RXRA: variants seen among roughly 807,000 people sequenced by gnomAD.
RXRA encodes retinoic acid receptor RXR-alpha.
Under a neutral mutation model 44.5 loss-of-function variants are expected in RXRA, and 5 were observed. The observed-to-expected ratio is 0.11, with a 90% CI of 0.06 to 0.24. The LOEUF (loss-of-function observed/expected upper bound fraction) is 0.24, where lower values mean the gene tolerates loss of function less well. Ranked by LOEUF, RXRA falls within the 10% of genes least tolerant of loss-of-function variation. The pLI, the probability that RXRA is intolerant of heterozygous loss-of-function variation, is 1.00. For missense variants in RXRA, 412 were observed against 646.5 expected (o/e 0.64, Z 3.93); for synonymous variants, 291 against 271.4 (o/e 1.07, Z -0.71).
Position 134,440,254 on chromosome 9 carries a change from C to T in RXRA, c.*3640C>T, listed in dbSNP as rs1831710314. 1 of 152,286 alleles carries T rather than the reference C, an allele frequency of 6.6e-6. No homozygotes were observed. The highest frequency in any genetic ancestry group is 1.5e-5 in the Non-Finnish European group (1 of 68,038). 9.4% of individuals were successfully genotyped at this position (152,286 alleles called of 1,614,324 possible). A position where few individuals can be genotyped will look rare whatever the true frequency, so the allele number is the denominator to read the frequency against. On this transcript the variant is annotated 3_prime_UTR_variant, in exon 10 of 10. Coordinates refer to ENST00000481739, the MANE Select transcript of RXRA (RefSeq NM_002957.6). Reference sequence around the variant, plus strand: ...CAGACGATGGCAGAGGAGAGGGCTCCTGTGACGGCGGCGAGGCTTGGGAGG... The same window carrying T: ...CAGACGATGGCAGAGGAGAGGGCTCTTGTGACGGCGGCGAGGCTTGGGAGG...
At chr9:134,356,908 C>A (rs1330542336) in intron 1 of RXRA, among the ~76,000 whole-genome samples, 1 of 152,210 alleles carries the variant, frequency 6.6e-6, no homozygotes, top group Non-Finnish European at 1.5e-5. Context: ...CCGACACCTC[C>A]GCACCCTGCC....
rs1371118090 is a variant in RXRA at position 134,417,553 on chromosome 9, AGGGGCCAGGGGCCAGGGGCCC to A, written c.780+233_780+253del. Among the ~76,000 whole-genome samples the A allele has an allele frequency of 6.7e-6, 1 of 150,120 alleles. No individual in the cohort carries two copies. Among genetic ancestry groups the A allele is most frequent in the African/African-American group, 2.5e-5 (1 of 39,632 alleles). ...CCCATGCACGAGTAGCCCATGGGGC[AGGGGCCAGGGGCCAGGGGCCC>A]GGGGCCTGGGGCCCTGCGGCCACAT... On this transcript the variant is annotated intron_variant, in intron 5 of 9. Transcript: ENST00000481739. The surrounding 1 kb of genome is among the most constrained non-coding windows in gnomAD (Gnocchi z 6.1).
chr9:134,363,444 A>G (rs1830377983), intron 1 of RXRA, among the ~76,000 whole-genome samples: 1 of 152,234 alleles, frequency 6.6e-6, no homozygotes, highest in Non-Finnish European at 1.5e-5. Context: ...TCTAAAGCCC[A>G]GCCCTCATGG....
At chr9:134,352,078 G>A (rs1384253167) in intron 1 of RXRA, among the ~76,000 whole-genome samples, 1 of 152,226 alleles carries the variant, frequency 6.6e-6, no homozygotes, top group Admixed American at 6.5e-5. Flanking sequence ...GGCTGCACAG[G>A]CTGCGGGAGT....
chr9:134,377,874 G>A (rs541983539), intron 1 of RXRA, among the ~76,000 whole-genome samples: 4 of 152,330 alleles, frequency 2.6e-5, no homozygotes, highest in South Asian at 2.1e-4. Context: ...GGGACGTTGC[G>A]TGAGCTGATG....
In RXRA at chr9:134,418,040, C is replaced by T. The variant is rs112139096; in HGVS notation, c.780+713C>T. On this transcript the variant is annotated intron_variant, in intron 5 of 9. Transcript: ENST00000481739. ...CCTTGGACCCTCCCTGTTACTGGCT[C>T]GCTCCCTGTGGCATCTTTGCTTCTG... 7.3e-3 allele frequency among the ~76,000 whole-genome samples: 1,116 copies of T among 152,280 alleles called. 8 individuals carry two copies. The highest frequency in any genetic ancestry group is 0.012 in the South Asian group (58 of 4,826).
intron 3 of RXRA, 25 bp downstream of exon 3, chr9:134,408,324 G>A: frequency 6.3e-7 from 1 of 1,583,840 alleles, no homozygotes; most frequent in South Asian, 1.1e-5. Flanking sequence ...GGGGCCAGGG[G>A]CTGGTGGGAC....
At position 134,426,311 on chromosome 9, in the gene RXRA, G is replaced by C; in HGVS notation, c.911-2797G>C. 1 of 985,466 alleles carries C rather than the reference G, an allele frequency of 1.0e-6. No individual in the cohort carries two copies. Among genetic ancestry groups the C allele is most frequent in the Non-Finnish European group, 1.2e-6 (1 of 829,932 alleles). The allele number at this position is 985,466 out of a possible 1,614,324, so 61.0% of individuals were successfully genotyped here. A position where few individuals can be genotyped will look rare whatever the true frequency, so the allele number is the denominator to read the frequency against. On this transcript the variant is annotated intron_variant, in intron 6 of 9. Transcript: ENST00000481739. The surrounding 1 kb of genome is among the most constrained non-coding windows in gnomAD (Gnocchi z 4.6). ...AGGAGCCCTCCTTCCTGCAGCGATGGAGCACTTAGGAAGGTGAAGACACCC... is the reference window on the plus strand; with the variant it reads ...AGGAGCCCTCCTTCCTGCAGCGATGCAGCACTTAGGAAGGTGAAGACACCC...
chr9:134,349,905 C>T lies in RXRA; in HGVS notation c.28+23246C>T, dbSNP rs1830200541. Among the ~76,000 whole-genome samples the T allele has an allele frequency of 6.6e-6, 1 of 152,160 alleles. No homozygotes were observed. Among genetic ancestry groups the T allele is most frequent in the South Asian group, 2.1e-4 (1 of 4,828 alleles). On this transcript the variant is annotated intron_variant, in intron 1 of 9. Coordinates refer to ENST00000481739, the MANE Select transcript of RXRA (RefSeq NM_002957.6). The surrounding 1 kb of genome is among the most constrained non-coding windows in gnomAD (Gnocchi z 4.3). ...GATCTCATCCTGCCTGTGACACCTT[C>T]CTCTCCTCCTGTTTGGGTCAGCTCC...
At position 134,434,083 on chromosome 9, in the gene RXRA, T is replaced by C. The variant is rs771200755; in HGVS notation, c.1136-19T>C. On this transcript the variant is annotated intron_variant, in intron 8 of 9. Coordinates refer to ENST00000481739, the MANE Select transcript of RXRA (RefSeq NM_002957.6). ...CACGCCCCAGCTGAGGGTTCTGACC[T>C]GTGGCTTCTTCCTTTCAGACTCCAA... 6.2e-7 allele frequency: 1 copy of C among 1,602,080 alleles called. No homozygotes were observed. Among genetic ancestry groups the C allele is most frequent in the Non-Finnish European group, 8.5e-7 (1 of 1,170,282 alleles).
chr9:134,367,500 C>T (rs1326210445), intron 1 of RXRA, among the ~76,000 whole-genome samples: 3 of 152,246 alleles, frequency 2.0e-5, no homozygotes, highest in African/African-American at 4.8e-5. Context: ...GTGGAGATCC[C>T]ACTTTACAGA....
At chr9:134,430,176 G>T (rs1831509461) in intron 7 of RXRA, among the ~76,000 whole-genome samples, 1 of 152,208 alleles carries the variant, frequency 6.6e-6, no homozygotes, top group Non-Finnish European at 1.5e-5. Context: ...GTGAGCCGCC[G>T]CGCCCGGCCT....
At chr9:134,411,857 C>T (rs983483056) in intron 4 of RXRA, among the ~76,000 whole-genome samples, 13 of 152,316 alleles carry the variant, frequency 8.5e-5, no homozygotes, top group African/African-American at 3.1e-4. Context: ...TTGCCTCCCC[C>T]AGCCTGGCTG....
At chr9:134,385,799 G>C (rs991617561) in intron 1 of RXRA, among the ~76,000 whole-genome samples, 1 of 152,266 alleles carries the variant, frequency 6.6e-6, no homozygotes, top group East Asian at 1.9e-4. Flanking sequence ...ACGCAGATGG[G>C]GAATGGGCCC....
intron 1 of RXRA, among the ~76,000 whole-genome samples, chr9:134,380,909 A>G (rs1184238894): frequency 6.6e-6 from 1 of 152,202 alleles, no homozygotes; most frequent in Non-Finnish European, 1.5e-5. Flanking sequence ...CAGTAGAGAC[A>G]GCAGAGCCCC....
chr9:134,422,597 CCGCTCCCAGGA>C (rs1831365130), intron 6 of RXRA: 1 of 883,324 alleles, frequency 1.1e-6, no homozygotes, highest in East Asian at 1.3e-4. Flanking sequence ...GGGACACTCC[CCGCTCCCAGGA>C]CGCTCCCCAC....
chr9:134,345,176 C>G (rs2119033964), intron 1 of RXRA, among the ~76,000 whole-genome samples: 1 of 152,318 alleles, frequency 6.6e-6, no homozygotes, highest in Admixed American at 6.5e-5. Context: ...TGGACGTGCC[C>G]TGGAGGTTAT....
chr9:134,440,320 G>A lies in RXRA; in HGVS notation c.*3706G>A, dbSNP rs1831712419. ...GGGTGTCTTCCCTCGGGGCAGGAGG[G>A]TGGGCCTGAGGCTTTCAAGGGTTTT... On this transcript the variant is annotated 3_prime_UTR_variant, in exon 10 of 10. Transcript: ENST00000481739. 6.6e-6 allele frequency: 1 copy of A among 152,386 alleles called. No homozygotes were observed. Among genetic ancestry groups the A allele is most frequent in the Non-Finnish European group, 1.5e-5 (1 of 68,050 alleles). The allele number at this position is 152,386 out of a possible 1,614,324, so 9.4% of individuals were successfully genotyped here.
At chr9:134,332,809 G>C (rs1220011255) in intron 1 of RXRA, among the ~76,000 whole-genome samples, 1 of 152,146 alleles carries the variant, frequency 6.6e-6, no homozygotes, top group Non-Finnish European at 1.5e-5. Flanking sequence ...CTCTCTCCAG[G>C]TGGCTCACTG....
Sources: allele counts gnomAD v4.1 joint callset (sites outside exome capture counted in the v4.1 genomes callset), GRCh38; gene constraint gnomAD v4.1.1; non-coding constraint Gnocchi (gnomAD v3.1); transcripts MANE v1.5; gene names NCBI Gene and HGNC (gene_info 2026-07-23, HGNC 2026-07-21).